The following DLG2 variants were observed in gnomAD, a reference collection of about 807,000 sequenced individuals.
The protein encoded by DLG2 is disks large homolog 2.
DLG2 carries 45 observed loss-of-function variants against 132.5 expected under a neutral mutation model. That is an observed-to-expected ratio of 0.34 (90% CI 0.27 to 0.44). The LOEUF is 0.44. Ranked by LOEUF, DLG2 falls within the 20% of genes least tolerant of loss-of-function variation. The pLI, the probability that DLG2 is intolerant of heterozygous loss-of-function variation, is 1.00. For synonymous variants in DLG2, 424 were observed against 419.6 expected, an observed-to-expected ratio of 1.01 and a Z score of -0.13; for missense variants, 1,045 against 1,196.9, an observed-to-expected ratio of 0.87 and a Z score of 1.87.
At chr11:84,217,453 C>T (rs1293185735) in intron 8 of DLG2, among the ~76,000 whole-genome samples, 2 of 152,148 alleles carry the variant, frequency 1.3e-5, no homozygotes, top group East Asian at 3.8e-4. Flanking sequence ...CCTTCATCTT[C>T]CACCATGATT....
chr11:85,074,745 C>T (rs2066302789), intron 6 of DLG2, among the ~76,000 whole-genome samples: 1 of 151,872 alleles, frequency 6.6e-6, no homozygotes, highest in Non-Finnish European at 1.5e-5. Context: ...GCATATGTTT[C>T]CCTCTAACTT....
intron 6 of DLG2, among the ~76,000 whole-genome samples, chr11:84,626,179 G>A (rs1046759151): frequency 6.6e-6 from 1 of 152,162 alleles, no homozygotes; most frequent in Admixed American, 6.5e-5. Flanking sequence ...ACAGTACTAG[G>A]AGATCTTAAA....
In DLG2 at chr11:83,946,925, C is replaced by A. The variant is rs541593637; in HGVS notation, c.1340+15960G>T. On this transcript the variant is annotated intron_variant, in intron 14 of 27. Coordinates refer to ENST00000376104, the MANE Select transcript of DLG2 (RefSeq NM_001142699.3). ...CCAACATAGTTTCCCTTAGTTCTCA[C>A]AAATTTAAATTCGGTATAACCTTAT... Among the ~76,000 whole-genome samples, 3 of 152,248 alleles carry A rather than the reference C, an allele frequency of 2.0e-5. No homozygotes were observed. The South Asian group carries it at 6.2e-4, about 32-fold the overall frequency.
intron 3 of DLG2, among the ~76,000 whole-genome samples, chr11:85,483,430 C>T (rs769228625): frequency 2.0e-5 from 3 of 152,036 alleles, no homozygotes; most frequent in Non-Finnish European, 4.4e-5. Flanking sequence ...CAAACAAAAG[C>T]TAAGGGAGTT....
chr11:84,067,513 A>C (rs895708522), intron 10 of DLG2, among the ~76,000 whole-genome samples: 3 of 151,778 alleles, frequency 2.0e-5, no homozygotes, highest in Non-Finnish European at 4.4e-5. Flanking sequence ...TATTAAGACA[A>C]GTAGTTTATG....
intron 7 of DLG2, among the ~76,000 whole-genome samples, chr11:84,439,553 G>C (rs887574843): frequency 2.0e-5 from 3 of 152,006 alleles, no homozygotes; most frequent in African/African-American, 7.3e-5. Context: ...ACACTCTAAG[G>C]CAACCCCTGT....
At chr11:85,303,391 A>G (rs1394276251) in intron 3 of DLG2, among the ~76,000 whole-genome samples, 7 of 152,226 alleles carry the variant, frequency 4.6e-5, no homozygotes, top group African/African-American at 1.7e-4. Context: ...AAATGATGAT[A>G]ATAATAGCAG....
chr11:83,740,648 A>T (rs2092431768), intron 18 of DLG2, among the ~76,000 whole-genome samples: 1 of 152,214 alleles, frequency 6.6e-6, no homozygotes, highest in Non-Finnish European at 1.5e-5. Context: ...TATCAATACA[A>T]ATTTTATGAA....
intron 21 of DLG2, among the ~76,000 whole-genome samples, chr11:83,506,215 T>C (rs963367175): frequency 6.6e-6 from 1 of 152,174 alleles, no homozygotes; most frequent in South Asian, 2.1e-4. Flanking sequence ...GGCCATCTTT[T>C]AATCCATATT....
chr11:83,976,180 G>C (rs919372132), intron 12 of DLG2, among the ~76,000 whole-genome samples: 13 of 151,908 alleles, frequency 8.6e-5, no homozygotes, highest in African/African-American at 3.1e-4. Flanking sequence ...AAAAATGACT[G>C]TGCTCTCAGT....
intron 3 of DLG2, among the ~76,000 whole-genome samples, chr11:85,539,052 G>A (rs1483907637): frequency 6.6e-6 from 1 of 151,804 alleles, no homozygotes; most frequent in Non-Finnish European, 1.5e-5. Flanking sequence ...TCTGAAAGTA[G>A]AGCATTAAGA....
chr11:84,916,041 A>G (rs2092432530), intron 6 of DLG2, among the ~76,000 whole-genome samples: 1 of 152,044 alleles, frequency 6.6e-6, no homozygotes, highest in East Asian at 1.9e-4. Flanking sequence ...ACCTTCTAAA[A>G]ATGTTCAGAG....
chr11:84,942,538 TC>T (rs1187706707), intron 6 of DLG2, among the ~76,000 whole-genome samples: 4 of 152,210 alleles, frequency 2.6e-5, no homozygotes, highest in Non-Finnish European at 5.9e-5. Flanking sequence ...TTCCCAAAGT[TC>T]CTCTTATTAT....
intron 7 of DLG2, among the ~76,000 whole-genome samples, chr11:84,502,322 C>A (rs2099217564): frequency 8.2e-5 from 1 of 12,204 alleles, no homozygotes; most frequent in Non-Finnish European, 1.5e-4. Flanking sequence ...TTCTTTCTTT[C>A]TTTCTTTCTT....
At chr11:84,756,122 ACAT>A (rs1166864093) in intron 6 of DLG2, among the ~76,000 whole-genome samples, 2 of 152,186 alleles carry the variant, frequency 1.3e-5, no homozygotes, top group African/African-American at 4.8e-5. Context: ...AAAATTTAAA[ACAT>A]CATTCATTTC....
At chr11:85,609,960 C>T (rs1370402067) in intron 2 of DLG2, among the ~76,000 whole-genome samples, 1 of 152,198 alleles carries the variant, frequency 6.6e-6, no homozygotes, top group Admixed American at 6.5e-5. Context: ...GTCCCACACC[C>T]TTATTAGGGA....
intron 6 of DLG2, among the ~76,000 whole-genome samples, chr11:84,868,378 A>G (rs1212880539): frequency 6.6e-6 from 1 of 152,086 alleles, no homozygotes; most frequent in Non-Finnish European, 1.5e-5. Flanking sequence ...CCTTTGATCT[A>G]TTCAGTCAGC....
At chr11:84,940,509 CA>C (rs2049279439) in intron 6 of DLG2, among the ~76,000 whole-genome samples, 1 of 152,176 alleles carries the variant, frequency 6.6e-6, no homozygotes, top group Non-Finnish European at 1.5e-5. Flanking sequence ...ACCTATTTGC[CA>C]TTTGTGTGTC....
chr11:83,570,850 T>C (rs910333750), intron 19 of DLG2, among the ~76,000 whole-genome samples: 3 of 152,176 alleles, frequency 2.0e-5, no homozygotes, highest in Non-Finnish European at 4.4e-5. Flanking sequence ...TAGGGATCTA[T>C]GCTCAGGTTA....
Sources: gnomAD v4.1 joint callset for allele counts (sites outside exome capture counted in the v4.1 genomes callset) on GRCh38, gnomAD v4.1.1 for gene constraint, MANE v1.5 for transcripts, NCBI Gene and HGNC (gene_info 2026-07-23, HGNC 2026-07-21) for gene names.